Variants in PRKAG1 observed in about 807,000 individuals in gnomAD.
PRKAG1 encodes the protein 5'-AMP-activated protein kinase subunit gamma-1.
In PRKAG1, 27 loss-of-function variants were observed where a neutral mutation model predicts 48.2. That is an observed-to-expected ratio of 0.56 (90% CI 0.41 to 0.77). PRKAG1 has a LOEUF of 0.77. Ranked by LOEUF, PRKAG1 falls within the 30% of genes least tolerant of loss-of-function variation. The pLI, the probability that PRKAG1 is intolerant of heterozygous loss-of-function variation, is 0.00. For synonymous variants in PRKAG1, 130 were observed against 147.7 expected (o/e 0.88, Z 0.87); for missense variants, 287 against 398.3 (o/e 0.72, Z 2.38).
At chr12:49,009,568 G>A (rs1464559879) in intron 2 of PRKAG1, among the ~76,000 whole-genome samples, 1 of 151,964 alleles carries the variant, frequency 6.6e-6, no homozygotes, top group Non-Finnish European at 1.5e-5. Context: ...TTAAAAAATT[G>A]TATCCTATAC....
At chr12:49,012,039 T>C (rs1437214896) in intron 2 of PRKAG1, among the ~76,000 whole-genome samples, 3 of 152,174 alleles carry the variant, frequency 2.0e-5, no homozygotes, top group African/African-American at 4.8e-5. Context: ...TTATTTTTAG[T>C]AGAGACAAGA....
At chr12:49,008,105 C>T (rs1003032878) in intron 2 of PRKAG1, among the ~76,000 whole-genome samples, 9 of 152,104 alleles carry the variant, frequency 5.9e-5, no homozygotes, top group Non-Finnish European at 1.0e-4. Context: ...GTGATCTGCC[C>T]GCTTTGGCCT....
chr12:49,010,957 C>G (rs1941736037), intron 2 of PRKAG1, among the ~76,000 whole-genome samples: 1 of 151,990 alleles, frequency 6.6e-6, no homozygotes, highest in African/African-American at 2.4e-5. Context: ...GATTCTCATG[C>G]CTCAGCCTCC....
In PRKAG1 at chr12:49,004,641, A is replaced by G; in HGVS notation, c.411-8T>C. The G allele has an allele frequency of 6.2e-7, 1 of 1,613,890 alleles. No individual in the cohort carries two copies. The highest frequency in any genetic ancestry group is 8.5e-7 in the Non-Finnish European group (1 of 1,179,962). ...GAGACAGCATCAAACAAGCTGTGAG[A>G]GGGTGGGAGATAATAAGTTCCACAG... On this transcript the variant is annotated splice_polypyrimidine_tract_variant and splice_region_variant and intron_variant, in intron 7 of 11. Transcript: ENST00000548065.
At position 49,003,796 on chromosome 12, in the gene PRKAG1, G is replaced by A. The variant is rs1182683302; in HGVS notation, c.664C>T (p.Gln222Ter). The A allele has an allele frequency of 5.6e-6, 9 of 1,613,882 alleles. No homozygotes were observed. The East Asian group carries it at 8.9e-5, about 16-fold the overall frequency. The change falls in exon 9 of 12, where the codon CAG (glutamine) becomes TAG (stop). Residue 222 changes from glutamine (Q) to a stop codon, truncating the protein, a stop_gained. Transcript: ENST00000548065. LOFTEE classifies it high-confidence loss of function. ...ACTGGCAGGGCTGAGACTCGATGCT[G>A]TACAAAAATCCCCAGAGCCACATAG... ...PVYVALGIFV[Q>*]HRVSALPVVD...
chr12:49,003,508 G>GCCC (rs67579566), intron 10 of PRKAG1, 50 bp downstream of exon 10: 70 of 1,371,492 alleles, frequency 5.1e-5, no homozygotes, highest in Admixed American at 1.9e-4. Context: ...ATTTAACAGT[G>GCCC]CCCCCCCCCC....
chr12:49,014,241 GA>G (rs1489115683), intron 1 of PRKAG1, among the ~76,000 whole-genome samples: 3 of 152,094 alleles, frequency 2.0e-5, no homozygotes, highest in African/African-American at 7.2e-5. Flanking sequence ...TACCTCTCTG[GA>G]ATCACAGAAG....
intron 1 of PRKAG1, chr12:49,017,247 C>T: frequency 2.2e-6 from 1 of 455,502 alleles, no homozygotes; most frequent in Admixed American, 2.4e-5. Context: ...GTCACTCAGA[C>T]TGGAGTGCAG....
chr12:49,010,756 T>C (rs1253263593), intron 2 of PRKAG1, among the ~76,000 whole-genome samples: 1 of 152,216 alleles, frequency 6.6e-6, no homozygotes, highest in Non-Finnish European at 1.5e-5. Context: ...CTCTCCTGTT[T>C]TCCCTATGGT....
At chr12:49,011,863 C>CCTT (rs34145048) in intron 2 of PRKAG1, among the ~76,000 whole-genome samples, 64,323 of 150,478 alleles carry the variant, frequency 0.43, 14,110 homozygotes, top group African/African-American at 0.54. Flanking sequence ...CACCCAGCTG[C>CCTT]CTTTAGTTTT....
rs1466544103 is a variant in PRKAG1 at position 49,013,128 on chromosome 12, C to CA, written c.10-19dup. The CA allele has an allele frequency of 6.2e-7, 1 of 1,609,944 alleles. No homozygotes were observed. Among genetic ancestry groups the CA allele is most frequent in the Non-Finnish European group, 8.5e-7 (1 of 1,176,454 alleles). ...GAAATGACCTGGAGAGATAAGAAAA[C>CA]AGATTCAGCTTAACCTGGTTCCATC... On this transcript the variant is annotated intron_variant, in intron 1 of 11. Coordinates refer to ENST00000548065, the MANE Select transcript of PRKAG1 (RefSeq NM_002733.5).
At chr12:49,013,855 T>C (rs1380305834) in intron 1 of PRKAG1, among the ~76,000 whole-genome samples, 1 of 152,214 alleles carries the variant, frequency 6.6e-6, no homozygotes, top group Non-Finnish European at 1.5e-5. Flanking sequence ...TGGTTGGGTT[T>C]ATCTTGGCAG....
rs1941822642 is a variant in PRKAG1, at chr12:49,013,077, T to C, written c.43A>G (p.Asn15Asp). The stretch of plus-strand genomic sequence containing the variant: ...GTAAACTTACCTTGAGGATGCTCAT[T>C]TTCCACAGCTGGGGAGCTATCTGAA... ...ISSDSSPAVE[N>D]EHPQETPESN... Residue 15 changes from asparagine (N) to aspartate (D), a missense_variant, in exon 2 of 12, where the codon AAT becomes GAT. This residue lies in a region of PRKAG1 where 63 missense variants were observed against 54.0 expected (regional missense o/e 1.17). Coordinates refer to ENST00000548065, the MANE Select transcript of PRKAG1 (RefSeq NM_002733.5). The C allele has an allele frequency of 6.2e-7, 1 of 1,613,700 alleles. No homozygotes were observed. Among genetic ancestry groups the C allele is most frequent in the Non-Finnish European group, 8.5e-7 (1 of 1,179,584 alleles).
chr12:49,005,674 G>A lies in PRKAG1; in HGVS notation c.168+69C>T, dbSNP rs1027197732. On this transcript the variant is annotated intron_variant, in intron 3 of 11. Transcript: ENST00000548065. The surrounding 1 kb of genome is among the most constrained non-coding windows in gnomAD (Gnocchi z 4.1). ...AGAAGGATAAGGATATTACCCTTAGGATGAGATAGGATGAGAGGTATTAAA... is the reference window on the plus strand; with the variant it reads ...AGAAGGATAAGGATATTACCCTTAGAATGAGATAGGATGAGAGGTATTAAA... 8 of 1,606,496 alleles carry A rather than the reference G, an allele frequency of 5.0e-6. No homozygotes were observed. Among genetic ancestry groups the A allele is most frequent in the Non-Finnish European group, 6.8e-6 (8 of 1,173,562 alleles).
At chr12:49,018,599 A>G in intron 1 of PRKAG1, 133 bp downstream of exon 1, 1 of 1,559,720 alleles carries the variant, frequency 6.4e-7, no homozygotes, top group East Asian at 2.3e-5. Flanking sequence ...GTCACGGGAT[A>G]GGGCAGACAC....
intron 1 of PRKAG1, among the ~76,000 whole-genome samples, chr12:49,013,778 G>A (rs906429727): frequency 6.6e-6 from 1 of 152,034 alleles, no homozygotes; most frequent in African/African-American, 2.4e-5. Flanking sequence ...TAACATACTT[G>A]AAAAAACAAA....
At chr12:49,003,488 CCCT>C in intron 10 of PRKAG1, 67 bp downstream of exon 10, 2 of 1,578,844 alleles carry the variant, frequency 1.3e-6, no homozygotes, top group Non-Finnish European at 1.7e-6. Context: ...ACTCCCTTCT[CCCT>C]CTCCATATTT....
At chr12:49,010,661 G>C (rs1234596267) in intron 2 of PRKAG1, among the ~76,000 whole-genome samples, 4 of 152,078 alleles carry the variant, frequency 2.6e-5, no homozygotes, top group Admixed American at 2.0e-4. Flanking sequence ...CTCACTGCTA[G>C]TTATAATTCA....
intron 7 of PRKAG1, 68 bp from the exon 8 acceptor site, chr12:49,004,701 A>G (rs1941447121): frequency 3.1e-6 from 5 of 1,602,964 alleles, no homozygotes; most frequent in Admixed American, 3.3e-5. Context: ...AGGTCCATAC[A>G]GTGTATTGCT....
Sources: allele counts gnomAD v4.1 joint callset (sites outside exome capture counted in the v4.1 genomes callset), GRCh38; gene constraint gnomAD v4.1.1; regional missense constraint gnomAD v4.1.1; non-coding constraint Gnocchi (gnomAD v3.1); transcripts MANE v1.5; gene names NCBI Gene and HGNC (gene_info 2026-07-23, HGNC 2026-07-21).